The following MLLT3 variants were observed in gnomAD, a reference collection of about 807,000 sequenced individuals.
MLLT3 encodes MLLT3 super elongation complex subunit, also known as protein AF-9.
A neutral mutation model predicts 53.2 loss-of-function variants in MLLT3; 4 were observed. That is an observed-to-expected ratio of 0.08 (90% confidence interval 0.04 to 0.17). The LOEUF (loss-of-function observed/expected upper bound fraction) is 0.17. Among genes scored for constraint, MLLT3 ranks in the 10% least tolerant of loss-of-function variants. The pLI is 1.00. For synonymous variants in MLLT3, 283 were observed against 230.6 expected, an observed-to-expected ratio of 1.23 and a Z score of -2.06; for missense variants, 569 against 684.0, an observed-to-expected ratio of 0.83 and a Z score of 1.87.
chr9:20,430,969 G>C (rs913852536), intron 4 of MLLT3, among the ~76,000 whole-genome samples: 5 of 152,070 alleles, frequency 3.3e-5, no homozygotes, highest in African/African-American at 1.2e-4. Flanking sequence ...TATATGTTCA[G>C]CTTCATTAAT....
chr9:20,525,222 C>A (rs1457451671), intron 2 of MLLT3, among the ~76,000 whole-genome samples: 2 of 151,722 alleles, frequency 1.3e-5, no homozygotes, highest in African/African-American at 4.8e-5. Flanking sequence ...CAAGGCCGGG[C>A]ACAGTGGCTC....
At chr9:20,455,130 G>C (rs1823927614) in intron 3 of MLLT3, among the ~76,000 whole-genome samples, 1 of 152,184 alleles carries the variant, frequency 6.6e-6, no homozygotes, top group South Asian at 2.1e-4. Flanking sequence ...CAATATGAAA[G>C]TATATCACGT....
intron 5 of MLLT3, among the ~76,000 whole-genome samples, chr9:20,395,055 G>A (rs900923854): frequency 2.6e-5 from 4 of 152,102 alleles, no homozygotes; most frequent in Middle Eastern, 3.2e-3. Context: ...GAAGCTAAGC[G>A]TCAGAGGAAC....
intron 4 of MLLT3, among the ~76,000 whole-genome samples, chr9:20,420,934 T>C (rs949817809): frequency 3.3e-5 from 5 of 152,172 alleles, no homozygotes; most frequent in African/African-American, 9.7e-5. Context: ...TTTAAAATGT[T>C]TGTATAGATT....
intron 2 of MLLT3, among the ~76,000 whole-genome samples, chr9:20,526,902 C>T (rs557429409): frequency 6.6e-6 from 1 of 152,208 alleles, no homozygotes; most frequent in African/African-American, 2.4e-5. Flanking sequence ...GGCTAGGCAC[C>T]TTTCATATGT....
chr9:20,538,207 C>A (rs1818534501), intron 2 of MLLT3, among the ~76,000 whole-genome samples: 1 of 152,086 alleles, frequency 6.6e-6, no homozygotes, highest in African/African-American at 2.4e-5. Context: ...ATAAAATATA[C>A]CACATTGAAA....
At chr9:20,613,253 A>G (rs1820744230) in intron 2 of MLLT3, among the ~76,000 whole-genome samples, 1 of 152,226 alleles carries the variant, frequency 6.6e-6, no homozygotes, top group South Asian at 2.1e-4. Flanking sequence ...TAAAAACCAC[A>G]GACTTGCACA....
intron 2 of MLLT3, among the ~76,000 whole-genome samples, chr9:20,550,517 G>A (rs1410046049): frequency 1.3e-5 from 2 of 151,594 alleles, no homozygotes; most frequent in African/African-American, 2.4e-5. Flanking sequence ...CATAACCTCG[G>A]CCTCCCAGAC....
At chr9:20,476,677 T>C (rs953160446) in intron 2 of MLLT3, among the ~76,000 whole-genome samples, 1 of 152,164 alleles carries the variant, frequency 6.6e-6, no homozygotes, top group Non-Finnish European at 1.5e-5. Context: ...AAACCAACCT[T>C]CTAAGGATTT....
intron 2 of MLLT3, among the ~76,000 whole-genome samples, chr9:20,572,360 T>C (rs1351731718): frequency 6.6e-6 from 1 of 152,216 alleles, no homozygotes; most frequent in East Asian, 1.9e-4. Context: ...AGATATTAAA[T>C]GTTCTTGCCA....
chr9:20,447,911 TG>T (rs1310834646), intron 4 of MLLT3, among the ~76,000 whole-genome samples: 2 of 152,138 alleles, frequency 1.3e-5, no homozygotes, highest in Non-Finnish European at 2.9e-5. Flanking sequence ...TAATAAATAG[TG>T]TAATTTCAAA....
chr9:20,345,718 C>T lies in MLLT3; in HGVS notation c.*725G>A, dbSNP rs368452296. 3 of 218,724 alleles carry T rather than the reference C, an allele frequency of 1.4e-5. No individual in the cohort carries two copies. Among genetic ancestry groups the T allele is most frequent in the African/African-American group, 6.7e-5 (3 of 44,492 alleles). 13.5% of individuals were successfully genotyped at this position (218,724 alleles called of 1,614,324 possible). On this transcript the variant is annotated 3_prime_UTR_variant, in exon 11 of 11. Coordinates refer to ENST00000380338, the MANE Select transcript of MLLT3 (RefSeq NM_004529.4). The stretch of plus-strand genomic sequence containing the variant: ...TGCATTTTCTACCATGGTCCAAGAT[C>T]ATTACATGGATACAGCCAAGGACTG...
chr9:20,440,880 T>C (rs1368373770), intron 4 of MLLT3, among the ~76,000 whole-genome samples: 1 of 152,068 alleles, frequency 6.6e-6, no homozygotes, highest in East Asian at 1.9e-4. Context: ...CAGGATTAAG[T>C]GACAACTTTA....
At position 20,621,435 on chromosome 9, in the gene MLLT3, G is replaced by A. The variant is rs941276066; in HGVS notation, c.13-601C>T. 1.3e-5 allele frequency among the ~76,000 whole-genome samples: 2 copies of A among 152,050 alleles called. No individual in the cohort carries two copies. The highest frequency in any genetic ancestry group is 2.9e-5 in the Non-Finnish European group (2 of 68,000). On this transcript the variant is annotated intron_variant, in intron 1 of 10. Transcript: ENST00000380338. This position sits in a 1 kb window ranked among gnomAD's most constrained non-coding sequence, Gnocchi z 7.0. ...TCGTGCACAACAAAAATGAGACGTC[G>A]TCATACACACTGAAACACACACACA...
chr9:20,360,768 G>A lies in MLLT3; in HGVS notation c.1405C>T (p.Pro469Ser). Residue 469 changes from proline (P) to serine (S), a missense_variant, in exon 8 of 11, where the codon CCC becomes TCC. Transcript: ENST00000380338. ...SSPLHHEPPP[P>S]LLKTNNNQIL... Reference sequence around the variant, plus strand: ...TGGTTGTTGTTGGTTTTTAGTAAGGGTGGTGGAGGTTCGTGATGTAGGGGT... The same window carrying A: ...TGGTTGTTGTTGGTTTTTAGTAAGGATGGTGGAGGTTCGTGATGTAGGGGT... 6.2e-7 allele frequency: 1 copy of A among 1,614,046 alleles called. No individual in the cohort carries two copies. Among genetic ancestry groups the A allele is most frequent in the Non-Finnish European group, 8.5e-7 (1 of 1,179,890 alleles).
intron 2 of MLLT3, among the ~76,000 whole-genome samples, chr9:20,485,532 T>C (rs1206089489): frequency 1.3e-5 from 2 of 152,210 alleles, no homozygotes; most frequent in Admixed American, 6.5e-5. Flanking sequence ...TACTATAATA[T>C]CACTACACTT....
intron 2 of MLLT3, among the ~76,000 whole-genome samples, chr9:20,526,977 A>T (rs1818219605): frequency 6.6e-6 from 1 of 152,104 alleles, no homozygotes; most frequent in South Asian, 2.1e-4. Flanking sequence ...TTTCTATTGG[A>T]TTGGCTGCCT....
intron 2 of MLLT3, among the ~76,000 whole-genome samples, chr9:20,533,724 G>C (rs1459340000): frequency 2.0e-5 from 3 of 152,220 alleles, no homozygotes; most frequent in Admixed American, 6.5e-5. Flanking sequence ...AGTCATAAAA[G>C]AGAAGGACAT....
chr9:20,474,289 T>C (rs997729903), intron 2 of MLLT3, among the ~76,000 whole-genome samples: 60 of 152,272 alleles, frequency 3.9e-4, no homozygotes, highest in African/African-American at 1.4e-3. Flanking sequence ...TTTGAAGTGA[T>C]GAAAGAGTTT....
Sources: gnomAD v4.1 joint callset for allele counts (sites outside exome capture counted in the v4.1 genomes callset) on GRCh38, gnomAD v4.1.1 for gene constraint, Gnocchi (gnomAD v3.1) non-coding constraint, MANE v1.5 for transcripts, NCBI Gene and HGNC (gene_info 2026-07-23, HGNC 2026-07-21) for gene names.